The following EXOSC8 variants were observed in gnomAD, a reference collection of about 807,000 sequenced individuals.
EXOSC8 encodes the protein exosome complex component RRP43.
EXOSC8 carries 37 observed loss-of-function variants against 39.9 expected under a neutral mutation model. The observed-to-expected ratio is 0.93, with a 90% confidence interval of 0.71 to 1.22. EXOSC8 has a LOEUF of 1.22. Among genes scored for constraint, EXOSC8 ranks in the 50% most tolerant of loss-of-function variants. The pLI is 0.00. For synonymous variants in EXOSC8, 93 were observed against 109.5 expected (o/e 0.85, Z 0.94); for missense variants, 313 against 326.6 (o/e 0.96, Z 0.32).
intron 5 of EXOSC8, 73 bp downstream of exon 5, chr13:37,004,634 T>C: frequency 1.1e-6 from 1 of 929,680 alleles, no homozygotes; most frequent in Non-Finnish European, 1.7e-6. Context: ...TAAGTCCTAG[T>C]TAAGTTGATG....
At chr13:37,008,939 A>G in intron 10 of EXOSC8, 104 bp downstream of exon 10, 1 of 792,990 alleles carries the variant, frequency 1.3e-6, no homozygotes, top group African/African-American at 1.7e-5. Flanking sequence ...TATTTACCTA[A>G]TTTTAGTATA....
chr13:37,005,803 G>C, intron 5 of EXOSC8, 117 bp from the exon 6 acceptor site: 1 of 558,536 alleles, frequency 1.8e-6, no homozygotes, highest in South Asian at 2.4e-5. Flanking sequence ...GGTAGAGGTT[G>C]CAGTAAGCTG....
chr13:37,007,183 G>A (rs531586937), intron 8 of EXOSC8, 112 bp downstream of exon 8: 3 of 729,300 alleles, frequency 4.1e-6, no homozygotes, highest in South Asian at 3.0e-5. Context: ...TGAATGTAAT[G>A]CTGACATGAC....
Position 37,008,758 on chromosome 13 carries a change from A to G in EXOSC8, c.638A>G (p.Glu213Gly). The change falls in exon 10 of 11, where the codon GAG becomes GGG. Residue 213 changes from glutamate to glycine, a missense_variant. Transcript: ENST00000389704. ...DTLLIVDPTGEEEHLATGTLT... is the reference protein window; with the variant it reads ...DTLLIVDPTGGEEHLATGTLT... ...TTGCTTATAGTTGACCCTACTGGAG[A>G]GGAGGAACATCTGGCAACAGGAACC... The G allele has an allele frequency of 6.2e-7, 1 of 1,612,822 alleles. No individual in the cohort carries two copies. The highest frequency in any genetic ancestry group is 8.5e-7 in the Non-Finnish European group (1 of 1,178,906).
At chr13:37,002,683 C>T (rs544913389) in intron 3 of EXOSC8, 132 bp downstream of exon 3, 14 of 681,750 alleles carry the variant, frequency 2.1e-5, no homozygotes, top group African/African-American at 1.8e-4. Context: ...GATTTTTATC[C>T]GTACAAAAGC....
intron 4 of EXOSC8, chr13:37,003,994 C>T (rs948248468): frequency 5.3e-5 from 8 of 152,184 alleles, no homozygotes; most frequent in African/African-American, 1.9e-4. Flanking sequence ...GCCTCAGCCT[C>T]CCAAGTAGCT....
chr13:37,006,087 T>A, intron 6 of EXOSC8, 28 bp from the exon 7 acceptor site: 1 of 1,602,310 alleles, frequency 6.2e-7, no homozygotes, highest in Non-Finnish European at 8.5e-7. Context: ...GGCTTTTCAT[T>A]TACTTTGCTC....
At position 37,009,179 on chromosome 13, in the gene EXOSC8, T is replaced by C. The variant is rs1018162036; in HGVS notation, c.716-5T>C. On this transcript the variant is annotated splice_region_variant and splice_polypyrimidine_tract_variant and intron_variant, in intron 10 of 10. Transcript: ENST00000389704. ...ATTAAAAGTATTGGCAAAATAATTT[T>C]TCAGGTGGAAGTGGGCTAACTGGAG... The C allele has an allele frequency of 5.1e-6, 8 of 1,579,386 alleles. No homozygotes were observed. The highest frequency in any genetic ancestry group is 6.9e-6 in the Non-Finnish European group (8 of 1,155,998).
rs750405455 is a variant in EXOSC8, at chr13:37,009,282, A to G, written c.814A>G (p.Ser272Gly). The G allele has an allele frequency of 7.5e-6, 12 of 1,597,752 alleles. No individual in the cohort carries two copies. The Admixed American group carries it at 1.3e-4, about 18-fold the overall frequency. The change falls in exon 11 of 11, where the codon AGT becomes GGT. Residue 272 changes from serine to glycine, a missense_variant. Physicochemically the swap from Ser to Gly is moderately conservative, Grantham distance 56. Transcript: ENST00000389704. ...AAAACTGATGGATGAAGTAATTAAGAGTATGAAACCCAAATAAACAGCCAC... is the reference window on the plus strand; with the variant it reads ...AAAACTGATGGATGAAGTAATTAAGGGTATGAAACCCAAATAAACAGCCAC... ...VKKLMDEVIK[S>G]MKPK
At chr13:37,005,474 TATA>T (rs1351057897) in intron 5 of EXOSC8, among the ~76,000 whole-genome samples, 6 of 152,104 alleles carry the variant, frequency 3.9e-5, no homozygotes, top group Non-Finnish European at 7.4e-5. Context: ...AGAATATAAC[TATA>T]ATGTTACAAT....
chr13:37,001,656 A>T (rs1238441046), intron 1 of EXOSC8: 2 of 152,278 alleles, frequency 1.3e-5, no homozygotes, highest in Non-Finnish European at 1.5e-5. Context: ...TACTTGGTTT[A>T]AAATTAACCT....
At chr13:37,003,749 T>C (rs1451213200) in intron 4 of EXOSC8, 2 of 152,258 alleles carry the variant, frequency 1.3e-5, no homozygotes, top group Admixed American at 6.5e-5. Context: ...GAGTAGACAC[T>C]ATTTTCTTCC....
At chr13:37,000,936 C>T in intron 1 of EXOSC8, 114 bp downstream of exon 1, 2 of 1,302,360 alleles carry the variant, frequency 1.5e-6, no homozygotes, top group Non-Finnish European at 2.1e-6. Context: ...GTGCCATTTC[C>T]TTCCTCGTCG....
At chr13:37,002,815 TGA>T (rs2059115283) in intron 3 of EXOSC8, 117 bp from the exon 4 acceptor site, 2 of 722,530 alleles carry the variant, frequency 2.8e-6, no homozygotes, top group African/African-American at 1.8e-5. Context: ...CATAAGCAAC[TGA>T]GAGGGGTAGC....
Position 37,003,004 on chromosome 13 carries a change from A to G in EXOSC8, c.189A>G (p.Lys63=). The G allele has an allele frequency of 6.3e-7, 1 of 1,581,068 alleles. No homozygotes were observed. Among genetic ancestry groups the G allele is most frequent in the East Asian group, 2.2e-5 (1 of 44,614 alleles). Residue 63 remains lysine, a synonymous_variant, in exon 4 of 11, where the codon AAA becomes AAG. Transcript: ENST00000389704. Reference sequence around the variant, plus strand: ...ATACTACAGTAATCTGTGGAGTTAAAGCAGTAAGTCTAAATATGTCCTATT... The same window carrying G: ...ATACTACAGTAATCTGTGGAGTTAAGGCAGTAAGTCTAAATATGTCCTATT... ...LGNTTVICGV[K]AEFAAPSTDA...
At chr13:37,001,552 A>G (rs1054903296) in intron 1 of EXOSC8, 2 of 152,234 alleles carry the variant, frequency 1.3e-5, no homozygotes, top group African/African-American at 4.8e-5. Context: ...TTTTTAAAAA[A>G]TGGATAAAAT....
At chr13:37,006,933 TTAGAAGACTTTAA>T (rs763877516) in intron 7 of EXOSC8, 29 bp from the exon 8 acceptor site, 12 of 1,221,572 alleles carry the variant, frequency 9.8e-6, no homozygotes, top group Middle Eastern at 1.9e-4. Context: ...GTTCTACCCA[TTAGAAGACTTTAA>T]TTTCCTTTTG....
chr13:37,007,883 G>A (rs1006998714), intron 8 of EXOSC8, among the ~76,000 whole-genome samples, 174 bp from the exon 9 acceptor site: 4 of 151,934 alleles, frequency 2.6e-5, no homozygotes, highest in Non-Finnish European at 5.9e-5. Flanking sequence ...AATGTCAGAT[G>A]TTGTGAAAAG....
At chr13:37,002,604 A>T (rs534999679) in intron 3 of EXOSC8, 53 bp downstream of exon 3, 1 of 1,222,222 alleles carries the variant, frequency 8.2e-7, no homozygotes. Flanking sequence ...GTTTTAGTCT[A>T]TGAACCAGCC....
Sources: allele counts gnomAD v4.1 joint callset (sites outside exome capture counted in the v4.1 genomes callset), GRCh38; gene constraint gnomAD v4.1.1; transcripts MANE v1.5; gene names NCBI Gene and HGNC (gene_info 2026-07-23, HGNC 2026-07-21).